Variants in ARMC8 observed in about 807,000 individuals in gnomAD.
The protein encoded by ARMC8 is armadillo repeat containing 8, also known as armadillo repeat-containing protein 8.
Under a neutral mutation model 99.3 loss-of-function variants are expected in ARMC8, and 20 were observed. That is an observed-to-expected ratio of 0.20 (90% CI 0.14 to 0.29). The LOEUF is 0.29. Among genes scored for constraint, ARMC8 ranks in the 10% least tolerant of loss-of-function variants. The pLI is 1.00. For missense variants in ARMC8, 569 were observed against 809.5 expected (o/e 0.70, Z 3.60); for synonymous variants, 263 against 278.3 (o/e 0.95, Z 0.55).
chr3:138,213,871 T>C (rs1461187450), intron 2 of ARMC8, among the ~76,000 whole-genome samples: 1 of 152,086 alleles, frequency 6.6e-6, no homozygotes, highest in African/African-American at 2.4e-5. Flanking sequence ...ATGAAAAGAT[T>C]AACAGAGGCC....
At chr3:138,262,462 C>G in intron 12 of ARMC8, 1 of 1,498,766 alleles carries the variant, frequency 6.7e-7, no homozygotes, top group Non-Finnish European at 9.1e-7. Flanking sequence ...ATATTTTCTT[C>G]TCTTCTTGTT....
rs181349903 is a variant in ARMC8, at chr3:138,272,841, C to A, written c.1480-126C>A. ...GAGCCGTTATTGTGCCACTGCACAC[C>A]AGCCTGGGCGACAGAGCAAGACTCT... On this transcript the variant is annotated intron_variant, in intron 16 of 21. Coordinates refer to ENST00000469044, the MANE Select transcript of ARMC8 (RefSeq NM_001363941.2). The A allele has an allele frequency of 1.0e-4, 85 of 850,814 alleles. No homozygotes were observed. The African/African-American group carries it at 1.4e-3, about 14-fold the overall frequency. 52.7% of individuals were successfully genotyped at this position (850,814 alleles called of 1,614,324 possible). A position where few individuals can be genotyped will look rare whatever the true frequency, so the allele number is the denominator to read the frequency against.
At position 138,267,144 on chromosome 3, in the gene ARMC8, T is replaced by C; in HGVS notation, c.1300-11T>C. Reference sequence around the variant, plus strand: ...CCAAATCATTAGTAGTATCCTTTTTTAATTCCATAGGTTTTACAAAATGCA... The same window carrying C: ...CCAAATCATTAGTAGTATCCTTTTTCAATTCCATAGGTTTTACAAAATGCA... On this transcript the variant is annotated splice_polypyrimidine_tract_variant and intron_variant, in intron 14 of 21. Transcript: ENST00000469044. The C allele has an allele frequency of 6.8e-7, 1 of 1,466,080 alleles. No individual in the cohort carries two copies. Among genetic ancestry groups the C allele is most frequent in the East Asian group, 2.3e-5 (1 of 43,402 alleles). 90.8% of individuals were successfully genotyped at this position (1,466,080 alleles called of 1,614,324 possible). A position where few individuals can be genotyped will look rare whatever the true frequency, so the allele number is the denominator to read the frequency against.
chr3:138,285,430 TTCCTTTGTTCACTACAC>T (rs2050313824), intron 19 of ARMC8, among the ~76,000 whole-genome samples: 1 of 152,176 alleles, frequency 6.6e-6, no homozygotes, highest in African/African-American at 2.4e-5. Flanking sequence ...TATTCCTCTC[TTCCTTTGTTCACTACAC>T]TGGCCACTTG....
rs936569429 is a variant in ARMC8 at position 138,268,101 on chromosome 3, G to A, written c.1386+860G>A. Among the ~76,000 whole-genome samples, 18 of 152,132 alleles carry A rather than the reference G, an allele frequency of 1.2e-4. No homozygotes were observed. In the South Asian group the frequency reaches 3.7e-3, roughly 32 times the overall value. On this transcript the variant is annotated intron_variant, in intron 15 of 21. Transcript: ENST00000469044. The stretch of plus-strand genomic sequence containing the variant: ...CTGCTAAAAGTACAAAAATTAGCCG[G>A]GGGTGGTGGTGCATGCTTGTAATCC...
At chr3:138,260,906 A>G (rs1181389339) in intron 12 of ARMC8, among the ~76,000 whole-genome samples, 1 of 152,344 alleles carries the variant, frequency 6.6e-6, no homozygotes, top group East Asian at 1.9e-4. Flanking sequence ...AACTATATCC[A>G]GTACAGGCAG....
chr3:138,256,832 A>G (rs2047435136), intron 12 of ARMC8, among the ~76,000 whole-genome samples: 1 of 152,102 alleles, frequency 6.6e-6, no homozygotes, highest in Non-Finnish European at 1.5e-5. Flanking sequence ...ATAATTTTTT[A>G]TAGTTCTTTT....
intron 15 of ARMC8, among the ~76,000 whole-genome samples, chr3:138,269,691 G>A (rs995925620): frequency 2.6e-5 from 4 of 152,168 alleles, no homozygotes; most frequent in Non-Finnish European, 5.9e-5. Context: ...CGAAAGATGA[G>A]AGTGGGGAGC....
At chr3:138,206,986 A>G (rs2044405428) in intron 1 of ARMC8, among the ~76,000 whole-genome samples, 1 of 152,212 alleles carries the variant, frequency 6.6e-6, no homozygotes, top group Admixed American at 6.5e-5. Flanking sequence ...GCAGTGTGAA[A>G]TCTCCAATTG....
intron 5 of ARMC8, among the ~76,000 whole-genome samples, chr3:138,227,303 A>C (rs897131456): frequency 1.6e-4 from 25 of 152,234 alleles, no homozygotes; most frequent in Admixed American, 1.1e-3. Context: ...GTGAGAACAT[A>C]GAGAAAAGGA....
chr3:138,212,656 G>A (rs968714884), intron 2 of ARMC8, among the ~76,000 whole-genome samples: 6 of 152,082 alleles, frequency 3.9e-5, no homozygotes, highest in African/African-American at 1.4e-4. Context: ...AATGAAAATG[G>A]TATTTAGGAA....
At chr3:138,233,787 A>G (rs2046186813) in intron 6 of ARMC8, among the ~76,000 whole-genome samples, 1 of 152,228 alleles carries the variant, frequency 6.6e-6, no homozygotes, top group Non-Finnish European at 1.5e-5. Flanking sequence ...TGCTGGACCA[A>G]TAACTGGTTT....
rs377205828 is a variant in ARMC8 at position 138,209,905 on chromosome 3, G to A, written c.122+12G>A. On this transcript the variant is annotated intron_variant, in intron 2 of 21. Transcript: ENST00000469044. ...CTACAAGGTGTCATGTAAGTAGTAT[G>A]TATTTAAGAGTCTATCAAAAAGTTG... The A allele has an allele frequency of 5.8e-5, 92 of 1,592,944 alleles. 1 individual carries two copies. The East Asian group carries it at 5.8e-4, about 10-fold the overall frequency.
chr3:138,206,138 A>G (rs992722025), intron 1 of ARMC8, among the ~76,000 whole-genome samples: 9 of 152,222 alleles, frequency 5.9e-5, no homozygotes, highest in Non-Finnish European at 1.2e-4. Flanking sequence ...TGGATGCTAA[A>G]TTTTTATTGG....
At chr3:138,241,135 T>G (rs968669135) in intron 10 of ARMC8, among the ~76,000 whole-genome samples, 1 of 152,252 alleles carries the variant, frequency 6.6e-6, no homozygotes, top group Non-Finnish European at 1.5e-5. Flanking sequence ...ATTGCCAAGA[T>G]TTTTGAGGGA....
At chr3:138,241,731 T>C (rs2046635816) in intron 10 of ARMC8, 52 bp from the exon 11 acceptor site, 13 of 1,520,130 alleles carry the variant, frequency 8.6e-6, no homozygotes, top group Admixed American at 1.7e-5. Flanking sequence ...CACTATATGC[T>C]TAAGCTTTTA....
chr3:138,242,547 C>T (rs560724937), intron 11 of ARMC8, among the ~76,000 whole-genome samples: 9 of 152,172 alleles, frequency 5.9e-5, no homozygotes, highest in South Asian at 2.1e-4. Flanking sequence ...TAGAATAGAT[C>T]GGTATTTATT....
At position 138,223,745 on chromosome 3, in the gene ARMC8, A is replaced by G. The variant is rs2108084500; in HGVS notation, c.435+12A>G. The G allele has an allele frequency of 4.4e-6, 7 of 1,604,362 alleles. No individual in the cohort carries two copies. The South Asian group carries it at 5.5e-5, about 13-fold the overall frequency. On this transcript the variant is annotated intron_variant, in intron 5 of 21. Transcript: ENST00000469044. ...AGCTACTGTATACAGTGAGTTTTAGATGTATTTGAGACATTAGTTACATTT... is the reference window on the plus strand; with the variant it reads ...AGCTACTGTATACAGTGAGTTTTAGGTGTATTTGAGACATTAGTTACATTT...
chr3:138,280,576 C>A (rs367723924), intron 18 of ARMC8, among the ~76,000 whole-genome samples: 1 of 150,560 alleles, frequency 6.6e-6, no homozygotes. Context: ...TCACTGCAAG[C>A]TCCGTCTTCC....
Sources: allele counts gnomAD v4.1 joint callset (sites outside exome capture counted in the v4.1 genomes callset), GRCh38; gene constraint gnomAD v4.1.1; transcripts MANE v1.5; gene names NCBI Gene and HGNC (gene_info 2026-07-23, HGNC 2026-07-21).